Variants in ANKRD36C observed in about 807,000 individuals in gnomAD.
ANKRD36C encodes the protein ankyrin repeat domain 36C.
A neutral mutation model predicts 276.4 loss-of-function variants in ANKRD36C; 61 were observed. The ratio of observed to expected loss-of-function variants is 0.22; its 90% CI spans 0.18 to 0.27. The LOEUF is 0.27. Among genes scored for constraint, ANKRD36C ranks in the 10% least tolerant of loss-of-function variants. The probability of loss-of-function intolerance (pLI) is 1.00; values close to 1 mark genes in which losing one functional copy is unlikely to be tolerated. For missense variants in ANKRD36C, 1,447 were observed against 2,032.3 expected (o/e 0.71, Z 5.54); for synonymous variants, 483 against 680.1 (o/e 0.71, Z 4.51).
At chr2:95,968,926 T>C (rs1415267669) in intron 6 of ANKRD36C, among the ~76,000 whole-genome samples, 1 of 152,164 alleles carries the variant, frequency 6.6e-6, no homozygotes, top group Admixed American at 6.5e-5. Flanking sequence ...AGATGCATAG[T>C]GCAAGATATG....
intron 6 of ANKRD36C, among the ~76,000 whole-genome samples, chr2:95,965,287 T>C (rs1444155326): frequency 6.6e-6 from 1 of 151,968 alleles, no homozygotes; most frequent in Non-Finnish European, 1.5e-5. Context: ...AGGGTGTTTT[T>C]TCTTCAAGGG....
At chr2:95,883,822 T>C (rs1280270306) in intron 54 of ANKRD36C, among the ~76,000 whole-genome samples, 1 of 152,028 alleles carries the variant, frequency 6.6e-6, no homozygotes, top group Admixed American at 6.6e-5. Flanking sequence ...AGGAACACGA[T>C]GTAATGTCTG....
At chr2:95,955,839 G>A (rs1376559590) in intron 13 of ANKRD36C, among the ~76,000 whole-genome samples, 1 of 152,126 alleles carries the variant, frequency 6.6e-6, no homozygotes, top group Non-Finnish European at 1.5e-5. Flanking sequence ...AGGATACTTT[G>A]TTTAGTCTCT....
In ANKRD36C at chr2:95,982,411, A is replaced by C. The variant is rs1678941656; in HGVS notation, c.487-49T>G. The C allele has an allele frequency of 2.1e-6, 3 of 1,436,090 alleles. No individual in the cohort carries two copies. The South Asian group carries it at 3.8e-5, about 18-fold the overall frequency. 89.0% of individuals were successfully genotyped at this position (1,436,090 alleles called of 1,614,324 possible). A position where few individuals can be genotyped will look rare whatever the true frequency, so the allele number is the denominator to read the frequency against. On this transcript the variant is annotated intron_variant, in intron 3 of 66. Coordinates refer to ENST00000456556, the Ensembl canonical transcript of ANKRD36C. ...ATAATCACAAAATTACATATTTATCAACTGAAATGAAAACCTTATGTAAGA... is the reference window on the plus strand; with the variant it reads ...ATAATCACAAAATTACATATTTATCCACTGAAATGAAAACCTTATGTAAGA...
chr2:95,946,930 G>A lies in ANKRD36C; in HGVS notation c.1362+1600C>T, dbSNP rs191635474. 5.5e-3 allele frequency among the ~76,000 whole-genome samples: 839 copies of A among 151,462 alleles called. 1 individual carries two copies. Among genetic ancestry groups the A allele is most frequent in the Non-Finnish European group, 8.2e-3 (556 of 67,902 alleles). ...TTGTGGGGTGGGGGTAGGGGGGAGG[G>A]ATAGCATTGGGAGATATACCTAATG... On this transcript the variant is annotated intron_variant, in intron 17 of 66. Transcript: ENST00000456556.
intron 20 of ANKRD36C, among the ~76,000 whole-genome samples, chr2:95,940,831 G>A (rs1677862502): frequency 1.4e-5 from 2 of 146,284 alleles, no homozygotes. Context: ...TCTCAACAAT[G>A]AACATTATAT....
At chr2:95,980,932 A>G (rs79457974) in intron 4 of ANKRD36C, 147 bp from the exon 5 acceptor site, 38 of 1,244,304 alleles carry the variant, frequency 3.1e-5, no homozygotes, top group Non-Finnish European at 4.0e-5. Flanking sequence ...GCTCAAGGGT[A>G]TATCTTTGCA....
intron 7 of ANKRD36C, 32 bp from the exon 8 acceptor site, chr2:95,962,456 C>G: frequency 6.3e-7 from 1 of 1,587,986 alleles, no homozygotes; most frequent in Non-Finnish European, 8.6e-7. Context: ...ATAATCAATA[C>G]GTAAAGTATT....
chr2:95,891,737 C>A (rs1181045674), exon 46 of ANKRD36C: 1 of 1,581,212 alleles, frequency 6.3e-7, no homozygotes, highest in South Asian at 1.1e-5. Flanking sequence ...TCACTTGTAG[C>A]CTGAATGGAA....
intron 60 of ANKRD36C, among the ~76,000 whole-genome samples, chr2:95,860,761 G>A (rs1461707811): frequency 3.3e-5 from 5 of 152,064 alleles, no homozygotes; most frequent in Admixed American, 2.0e-4. Context: ...ATAGAGCTGG[G>A]GTGATGAAGC....
At chr2:95,890,103 A>G (rs1156279276) in intron 46 of ANKRD36C, 109 bp from the exon 67 acceptor site, 18 of 1,400,974 alleles carry the variant, frequency 1.3e-5, no homozygotes, top group Non-Finnish European at 1.8e-5. Flanking sequence ...GTATTAGTGT[A>G]GGCTTTGATG....
intron 6 of ANKRD36C, among the ~76,000 whole-genome samples, chr2:95,963,972 AATATATATATATATATATATATAT>A (rs1160108122): frequency 4.1e-5 from 2 of 48,994 alleles, no homozygotes; most frequent in African/African-American, 8.4e-5. Context: ...TATATATATA[AATATATATATATATATATATATAT>A]ATATATATAT....
chr2:95,858,227 G>C (rs1359304667), intron 61 of ANKRD36C, among the ~76,000 whole-genome samples: 1 of 152,072 alleles, frequency 6.6e-6, no homozygotes, highest in African/African-American at 2.4e-5. Flanking sequence ...ACTCATGTTT[G>C]GCTCAGAATA....
At chr2:95,924,881 C>T (rs1378445339) in intron 30 of ANKRD36C, among the ~76,000 whole-genome samples, 1 of 151,578 alleles carries the variant, frequency 6.6e-6, no homozygotes, top group Non-Finnish European at 1.5e-5. Flanking sequence ...TCTTTCTTGC[C>T]TTGCAATCCC....
intron 59 of ANKRD36C, among the ~76,000 whole-genome samples, chr2:95,870,780 C>T (rs1379871875): frequency 6.6e-5 from 10 of 152,006 alleles, no homozygotes; most frequent in East Asian, 1.9e-4. Context: ...AAAATTTAGA[C>T]GAATGTATAC....
intron 12 of ANKRD36C, among the ~76,000 whole-genome samples, chr2:95,957,436 C>A (rs1170133765): frequency 6.6e-6 from 1 of 152,310 alleles, no homozygotes; most frequent in Non-Finnish European, 1.5e-5. Flanking sequence ...AATTGGTCAG[C>A]TTGGATATAT....
chr2:95,985,690 T>C (rs1263085959), intron 3 of ANKRD36C, among the ~76,000 whole-genome samples: 1 of 152,224 alleles, frequency 6.6e-6, no homozygotes, highest in Non-Finnish European at 1.5e-5. Flanking sequence ...GATAATCACT[T>C]CAGTCTCATC....
chr2:95,912,628 T>C (rs968772180), intron 40 of ANKRD36C, among the ~76,000 whole-genome samples, 193 bp from the exon 43 acceptor site: 1 of 151,336 alleles, frequency 6.6e-6, no homozygotes, highest in Non-Finnish European at 1.5e-5. Context: ...CTCCATGAAA[T>C]ATACCCTTAC....
At chr2:95,887,358 C>T (rs1676224222) in intron 50 of ANKRD36C, among the ~76,000 whole-genome samples, 1 of 150,936 alleles carries the variant, frequency 6.6e-6, no homozygotes, top group Non-Finnish European at 1.5e-5. Context: ...CTTCTTTATG[C>T]AAATACGCTA....
Sources: allele counts gnomAD v4.1 joint callset (sites outside exome capture counted in the v4.1 genomes callset), GRCh38; gene constraint gnomAD v4.1.1; transcripts MANE v1.5; gene names NCBI Gene and HGNC (gene_info 2026-07-23, HGNC 2026-07-21).